Variants in BTBD9 observed in about 807,000 individuals in gnomAD.
The protein encoded by BTBD9 is BTB domain containing 9.
In BTBD9, 49 loss-of-function variants were observed where a neutral mutation model predicts 64.3. That is an observed-to-expected ratio of 0.76 (90% confidence interval 0.61 to 0.97). The LOEUF is 0.97. Ranked by LOEUF, BTBD9 falls within the 50% of genes least tolerant of loss-of-function variation. The probability of loss-of-function intolerance (pLI) is 0.00; values close to 1 mark genes in which losing one functional copy is unlikely to be tolerated. For missense variants in BTBD9, 598 were observed against 762.1 expected (o/e 0.78, Z 2.53); for synonymous variants, 260 against 274.7 (o/e 0.95, Z 0.53).
intron 1 of BTBD9, among the ~76,000 whole-genome samples, chr6:38,604,992 C>T (rs1582706586): frequency 1.3e-5 from 2 of 152,204 alleles, no homozygotes; most frequent in South Asian, 2.1e-4. Context: ...ACAACCATGC[C>T]TGGATTGATA....
chr6:38,368,950 T>C (rs1765303120), intron 6 of BTBD9, among the ~76,000 whole-genome samples: 1 of 152,224 alleles, frequency 6.6e-6, no homozygotes, highest in Non-Finnish European at 1.5e-5. Flanking sequence ...GACACTTCAA[T>C]TTCAATTGTC....
chr6:38,183,907 T>G (rs1761694480), intron 10 of BTBD9, among the ~76,000 whole-genome samples: 1 of 152,212 alleles, frequency 6.6e-6, no homozygotes, highest in South Asian at 2.1e-4. Context: ...GGTTACTGTG[T>G]GCCAGGCACT....
chr6:38,279,238 G>C (rs1176394088), intron 8 of BTBD9, among the ~76,000 whole-genome samples: 3 of 152,060 alleles, frequency 2.0e-5, no homozygotes, highest in Non-Finnish European at 1.5e-5. Context: ...TTTTGGTCAA[G>C]TGCCTCTGTG....
At chr6:38,498,738 C>A (rs551584185) in intron 6 of BTBD9, among the ~76,000 whole-genome samples, 3 of 152,302 alleles carry the variant, frequency 2.0e-5, no homozygotes, top group African/African-American at 7.2e-5. Context: ...CTCCTGTAAG[C>A]GTCACTATCC....
chr6:38,625,855 T>A (rs1274541616), intron 1 of BTBD9, among the ~76,000 whole-genome samples: 1 of 152,230 alleles, frequency 6.6e-6, no homozygotes, highest in African/African-American at 2.4e-5. Flanking sequence ...ATAAAACACA[T>A]GAAGGACATA....
chr6:38,514,987 T>C (rs1772946297), intron 6 of BTBD9, among the ~76,000 whole-genome samples: 1 of 152,242 alleles, frequency 6.6e-6, no homozygotes, highest in Admixed American at 6.5e-5. Flanking sequence ...TTTATGATTT[T>C]ATTTCAATTT....
intron 8 of BTBD9, among the ~76,000 whole-genome samples, chr6:38,263,310 G>A (rs183015495): frequency 1.6e-4 from 24 of 152,260 alleles, no homozygotes; most frequent in East Asian, 3.9e-4. Flanking sequence ...ATTAAATGTC[G>A]AGATTTGATG....
chr6:38,590,383 A>G (rs1776743585), intron 4 of BTBD9, among the ~76,000 whole-genome samples: 1 of 152,206 alleles, frequency 6.6e-6, no homozygotes, highest in Admixed American at 6.5e-5. Flanking sequence ...ATAATTTAAT[A>G]CCAGATTGTA....
At chr6:38,557,335 G>A (rs1444676612) in intron 6 of BTBD9, among the ~76,000 whole-genome samples, 1 of 152,156 alleles carries the variant, frequency 6.6e-6, no homozygotes, top group African/African-American at 2.4e-5. Context: ...ACAAGAGCAA[G>A]ACTCAGTCTC....
intron 6 of BTBD9, among the ~76,000 whole-genome samples, chr6:38,478,258 C>T (rs1770983433): frequency 6.6e-6 from 1 of 152,168 alleles, no homozygotes; most frequent in Admixed American, 6.5e-5. Context: ...TTTCTGAGTA[C>T]TGGGCTCTCA....
chr6:38,322,753 T>C (rs1343787863), intron 7 of BTBD9, among the ~76,000 whole-genome samples: 8 of 152,182 alleles, frequency 5.3e-5, no homozygotes. Context: ...ATGTCACAAA[T>C]GTAAAGCACT....
intron 6 of BTBD9, among the ~76,000 whole-genome samples, chr6:38,479,109 C>T (rs1450192683): frequency 1.3e-5 from 2 of 152,304 alleles, no homozygotes; most frequent in Middle Eastern, 3.4e-3. Context: ...ACTACAAGAA[C>T]GCGACCAACA....
intron 9 of BTBD9, among the ~76,000 whole-genome samples, chr6:38,208,904 G>C (rs956482460): frequency 1.3e-5 from 2 of 152,166 alleles, no homozygotes; most frequent in South Asian, 2.1e-4. Context: ...ACCGTGTTAG[G>C]AGCTATGGGA....
chr6:38,211,353 T>C (rs1051656152), intron 9 of BTBD9, among the ~76,000 whole-genome samples: 7 of 148,484 alleles, frequency 4.7e-5, no homozygotes, highest in Non-Finnish European at 1.0e-4. Context: ...GGCGTGAACC[T>C]GGGAGGCAGA....
chr6:38,318,252 T>C (rs1040077998), intron 7 of BTBD9, among the ~76,000 whole-genome samples: 2 of 152,224 alleles, frequency 1.3e-5, no homozygotes, highest in Non-Finnish European at 2.9e-5. Context: ...CTCTGCAGGA[T>C]TGGCCCCTGT....
At chr6:38,563,958 A>G (rs1775362223) in intron 6 of BTBD9, among the ~76,000 whole-genome samples, 1 of 151,428 alleles carries the variant, frequency 6.6e-6, no homozygotes, top group Admixed American at 6.6e-5. Flanking sequence ...ACTTTTTTGT[A>G]TTTTTAGTAG....
chr6:38,482,101 T>A (rs1470641165), intron 6 of BTBD9: 2 of 152,264 alleles, frequency 1.3e-5, no homozygotes, highest in African/African-American at 4.8e-5. Context: ...GTGCTACACA[T>A]GCTCAACTGA....
rs377402489 is a variant in BTBD9, at chr6:38,256,491, G to A, written c.1480C>T (p.Arg494Ter). Residue 494 changes from arginine (R) to a stop codon, truncating the protein, a stop_gained, in exon 9 of 11, where the codon CGA (arginine) becomes TGA (stop). Coordinates refer to ENST00000481247, the MANE Select transcript of BTBD9 (RefSeq NM_001099272.2). LOFTEE classifies it high-confidence loss of function. ...ACCTCAACGTAGTAGCTATAGCTTC[G>A]ATCATCACAATCCCAAAGTAGTAAC... The part of the protein sequence containing the change: ...IRLLLWDCDD[R>*]SYSYYVEVST... 32 of 1,613,386 alleles carry A rather than the reference G, an allele frequency of 2.0e-5. No homozygotes were observed. The highest frequency in any genetic ancestry group is 5.0e-5 in the Admixed American group (3 of 59,986).
intron 7 of BTBD9, among the ~76,000 whole-genome samples, chr6:38,321,581 A>AGTGTTTCTTTGG (rs1309386453): frequency 1.3e-5 from 2 of 152,230 alleles, no homozygotes; most frequent in African/African-American, 4.8e-5. Flanking sequence ...ACACTGCCAA[A>AGTGTTTCTTTGG]GAAAACTGTT....
Sources: allele counts gnomAD v4.1 joint callset (sites outside exome capture counted in the v4.1 genomes callset), GRCh38; gene constraint gnomAD v4.1.1; transcripts MANE v1.5; gene names NCBI Gene and HGNC (gene_info 2026-07-23, HGNC 2026-07-21).